Variants in RELL1 observed in about 807,000 individuals in gnomAD.
The protein encoded by RELL1 is RELT-like protein 1.
RELL1 carries 10 observed loss-of-function variants against 23.0 expected under a neutral mutation model. The ratio of observed to expected loss-of-function variants is 0.43; its 90% CI spans 0.27 to 0.74. The LOEUF is 0.74. RELL1 is among the 30% of genes least tolerant of loss of function. The pLI is 0.19. For missense variants in RELL1, 315 were observed against 364.4 expected (o/e 0.86, Z 1.10); for synonymous variants, 146 against 146.8 (o/e 0.99, Z 0.04).
At chr4:37,668,363 G>T (rs891935553) in intron 1 of RELL1, among the ~76,000 whole-genome samples, 1 of 152,208 alleles carries the variant, frequency 6.6e-6, no homozygotes, top group African/African-American at 2.4e-5. Context: ...TTGTAGGCCC[G>T]CGCCGCCACG....
At chr4:37,600,075 G>T (rs1718974792) in intron 6 of RELL1, among the ~76,000 whole-genome samples, 1 of 152,134 alleles carries the variant, frequency 6.6e-6, no homozygotes, top group Non-Finnish European at 1.5e-5. Context: ...TTCAAGACCA[G>T]CCTGGCCAAC....
At chr4:37,595,591 A>ATACATGGTGTAATAAAGGTG (rs1246626594) in intron 6 of RELL1, among the ~76,000 whole-genome samples, 11 of 152,234 alleles carry the variant, frequency 7.2e-5, no homozygotes, top group African/African-American at 2.7e-4. Context: ...TAATAAAGGT[A>ATACATGGTGTAATAAAGGTG]TACATGGTGT....
At chr4:37,663,292 A>AG (rs1245412655) in intron 1 of RELL1, among the ~76,000 whole-genome samples, 4 of 152,186 alleles carry the variant, frequency 2.6e-5, no homozygotes, top group Middle Eastern at 6.8e-3. Flanking sequence ...TCTCCTGGGA[A>AG]GGGGCTGGGT....
intron 1 of RELL1, among the ~76,000 whole-genome samples, chr4:37,661,303 A>G (rs1454621276): frequency 6.7e-6 from 1 of 149,470 alleles, no homozygotes; most frequent in Non-Finnish European, 1.5e-5. Flanking sequence ...GTTTTTTGAG[A>G]CAGAGTCACT....
In RELL1 at chr4:37,611,219, A is replaced by C. The variant is rs1008003943; in HGVS notation, c.*2127T>G. Among the ~76,000 whole-genome samples, 1 of 152,132 alleles carries C rather than the reference A, an allele frequency of 6.6e-6. No individual in the cohort carries two copies. Among genetic ancestry groups the C allele is most frequent in the Non-Finnish European group, 1.5e-5 (1 of 67,994 alleles). ...ATTTTTAAAGCAAAAAAGTATGCTT[A>C]TTTGTTTTTAATTAAAATGATTAGC... On this transcript the variant is annotated 3_prime_UTR_variant, in exon 7 of 7. Coordinates refer to ENST00000454158, the MANE Select transcript of RELL1 (RefSeq NM_001085400.2).
chr4:37,650,056 C>T (rs971752589), intron 1 of RELL1, among the ~76,000 whole-genome samples: 49 of 152,158 alleles, frequency 3.2e-4, no homozygotes, highest in African/African-American at 1.1e-3. Flanking sequence ...TACCTACTCA[C>T]CCTTCTAGGA....
At chr4:37,671,413 G>C (rs1430821117) in intron 1 of RELL1, among the ~76,000 whole-genome samples, 2 of 152,170 alleles carry the variant, frequency 1.3e-5, no homozygotes, top group African/African-American at 4.8e-5. Context: ...GCTGATAAAA[G>C]GGTGTGGTAA....
intron 5 of RELL1, among the ~76,000 whole-genome samples, chr4:37,634,070 A>G (rs1720233376): frequency 6.6e-6 from 1 of 152,262 alleles, no homozygotes; most frequent in African/African-American, 2.4e-5. Flanking sequence ...CAGTTCCTGC[A>G]TGGGACTCAG....
At chr4:37,637,234 T>A (rs1234269230) in intron 4 of RELL1, among the ~76,000 whole-genome samples, 1 of 152,240 alleles carries the variant, frequency 6.6e-6, no homozygotes, top group East Asian at 1.9e-4. Flanking sequence ...TCTCTATGAC[T>A]CTACGTCTCT....
intron 1 of RELL1, among the ~76,000 whole-genome samples, chr4:37,654,981 A>G (rs1217045306): frequency 6.6e-6 from 1 of 152,212 alleles, no homozygotes; most frequent in Non-Finnish European, 1.5e-5. Flanking sequence ...ATAACTTTCT[A>G]AAATTAGTAT....
chr4:37,602,305 T>G (rs1002953482), intron 6 of RELL1, among the ~76,000 whole-genome samples: 9 of 149,546 alleles, frequency 6.0e-5, no homozygotes, highest in Non-Finnish European at 1.2e-4. Context: ...GAAAGAAGAC[T>G]ACACAGCAGG....
rs200877697 is a variant in RELL1 at position 37,604,944 on chromosome 4, T to G, written c.*4-13727A>C. On this transcript the variant is annotated intron_variant, in intron 6 of 6. Coordinates refer to the RELL1 transcript ENST00000314117. ...AGACACACACACACAGACACACACA[T>G]ACACACACAGAGACACACACATACA... 6.8e-4 allele frequency among the ~76,000 whole-genome samples: 21 copies of G among 30,790 alleles called. 2 individuals are homozygous for G. The South Asian group carries it at 0.013, about 19-fold the overall frequency. 20.2% of individuals were successfully genotyped at this position (30,790 alleles called of 152,430 possible). A position where few individuals can be genotyped will look rare whatever the true frequency, so the allele number is the denominator to read the frequency against.
chr4:37,604,874 C>CACAG (rs1560323886), intron 6 of RELL1, among the ~76,000 whole-genome samples: 124 of 98,160 alleles, frequency 1.3e-3, no homozygotes, highest in Middle Eastern at 5.4e-3. Flanking sequence ...CAGACACACA[C>CACAG]ACACATACAC....
intron 1 of RELL1, among the ~76,000 whole-genome samples, chr4:37,667,967 G>A (rs944496710): frequency 6.6e-6 from 1 of 150,468 alleles, no homozygotes; most frequent in Non-Finnish European, 1.5e-5. Flanking sequence ...AATGAAAAAT[G>A]TTAAGTGAAA....
chr4:37,679,479 T>C (rs1722133820), intron 1 of RELL1, among the ~76,000 whole-genome samples: 1 of 152,160 alleles, frequency 6.6e-6, no homozygotes, highest in Non-Finnish European at 1.5e-5. Flanking sequence ...GAAGCGAAAA[T>C]GCAGGACCAT....
intron 6 of RELL1, among the ~76,000 whole-genome samples, chr4:37,613,628 T>C (rs1417649625): frequency 6.6e-6 from 1 of 152,202 alleles, no homozygotes; most frequent in African/African-American, 2.4e-5. Context: ...TCCCATGTGA[T>C]GTGCCTTCAA....
At chr4:37,657,290 G>C (rs1246153711) in intron 1 of RELL1, among the ~76,000 whole-genome samples, 1 of 152,224 alleles carries the variant, frequency 6.6e-6, no homozygotes, top group African/African-American at 2.4e-5. Flanking sequence ...ACGGCAAGAT[G>C]CAAGCTGGAT....
At chr4:37,639,408 A>AT (rs761180912) in intron 3 of RELL1, among the ~76,000 whole-genome samples, 1 of 150,044 alleles carries the variant, frequency 6.7e-6, no homozygotes, top group Non-Finnish European at 1.5e-5. Context: ...AAAAAAAAAA[A>AT]TTTCAAGTAT....
At position 37,604,826 on chromosome 4, in the gene RELL1, C is replaced by CACACACACACACAG. The variant is rs1719122483; in HGVS notation, c.*4-13610_*4-13609insCTGTGTGTGTGTGT. Among the ~76,000 whole-genome samples the CACACACACACACAG allele has an allele frequency of 7.8e-5, 8 of 102,294 alleles. 1 individual carries two copies. Among genetic ancestry groups the CACACACACACACAG allele is most frequent in the Non-Finnish European group, 1.4e-4 (7 of 50,758 alleles). The allele number at this position is 102,294 out of a possible 152,430, so 67.1% of individuals were successfully genotyped here. A position where few individuals can be genotyped will look rare whatever the true frequency, so the allele number is the denominator to read the frequency against. Reference sequence around the variant, plus strand: ...ACACACACAGACACACACACAGACACACACATACACACAGACACACACACA... The same window carrying CACACACACACACAG: ...ACACACACAGACACACACACAGACACACACACACACACAGACACATACACACAGACACACACACA... On this transcript the variant is annotated intron_variant, in intron 6 of 6. Transcript: ENST00000314117.
Sources: gnomAD v4.1 joint callset for allele counts (sites outside exome capture counted in the v4.1 genomes callset) on GRCh38, gnomAD v4.1.1 for gene constraint, MANE v1.5 for transcripts, NCBI Gene and HGNC (gene_info 2026-07-23, HGNC 2026-07-21) for gene names.